DCC: variants seen among roughly 807,000 people sequenced by gnomAD.
The protein encoded by DCC is netrin receptor DCC.
DCC carries 58 observed loss-of-function variants against 172.5 expected under a neutral mutation model. The observed-to-expected ratio is 0.34, with a 90% CI of 0.27 to 0.42. The LOEUF is 0.42. Ranked by LOEUF, DCC falls within the 10% of genes least tolerant of loss-of-function variation. DCC has a pLI of 1.00. For missense variants in DCC, 1,740 were observed against 1,791.0 expected, an observed-to-expected ratio of 0.97 and a Z score of 0.51; for synonymous variants, 709 against 644.5, an observed-to-expected ratio of 1.10 and a Z score of -1.52.
chr18:52,781,668 G>A (rs953646185), intron 2 of DCC, among the ~76,000 whole-genome samples: 1 of 151,956 alleles, frequency 6.6e-6, no homozygotes, highest in African/African-American at 2.4e-5. Context: ...AAAACAGCAT[G>A]GGAAATTCAT....
chr18:53,319,876 T>C (rs1411931292), intron 13 of DCC, among the ~76,000 whole-genome samples: 1 of 150,812 alleles, frequency 6.6e-6, no homozygotes, highest in Non-Finnish European at 1.5e-5. Flanking sequence ...CTTATTCCCA[T>C]CGACAAAATA....
At position 53,245,327 on chromosome 18, in the gene DCC, T is replaced by C. The variant is rs369437287; in HGVS notation, c.1911+29730T>C. Reference sequence around the variant, plus strand: ...AAGTTTGAGAAAGAAGCAGCATAGTTAGTGGTTAAAAGCACAGACTATGAA... The same window carrying C: ...AAGTTTGAGAAAGAAGCAGCATAGTCAGTGGTTAAAAGCACAGACTATGAA... On this transcript the variant is annotated intron_variant, in intron 12 of 28. Coordinates refer to ENST00000442544, the MANE Select transcript of DCC (RefSeq NM_005215.4). Among the ~76,000 whole-genome samples the C allele has an allele frequency of 7.2e-5, 11 of 152,272 alleles. No individual in the cohort carries two copies. The East Asian group carries it at 1.9e-3, about 27-fold the overall frequency.
chr18:52,815,720 A>G (rs1265437106), intron 2 of DCC, among the ~76,000 whole-genome samples: 1 of 152,266 alleles, frequency 6.6e-6, no homozygotes, highest in Non-Finnish European at 1.5e-5. Flanking sequence ...TATTTGAGGC[A>G]TAAAAGCTAA....
intron 1 of DCC, among the ~76,000 whole-genome samples, chr18:52,449,700 T>C (rs1393960215): frequency 2.6e-5 from 4 of 152,200 alleles, no homozygotes; most frequent in Non-Finnish European, 5.9e-5. Context: ...TTACCTTTAA[T>C]TGTAGCCTCC....
chr18:52,660,775 G>A (rs962315873), intron 1 of DCC, among the ~76,000 whole-genome samples: 10 of 152,126 alleles, frequency 6.6e-5, no homozygotes, highest in Non-Finnish European at 1.0e-4. Flanking sequence ...GAATCAAATT[G>A]TTCTGGGCTT....
chr18:53,457,745 G>C (rs2045501226), intron 23 of DCC, among the ~76,000 whole-genome samples: 2 of 152,112 alleles, frequency 1.3e-5, no homozygotes, highest in African/African-American at 4.8e-5. Context: ...AGAAAATAGG[G>C]GTTGTTTCAG....
intron 14 of DCC, among the ~76,000 whole-genome samples, chr18:53,331,649 T>A (rs1504746): frequency 6.6e-6 from 1 of 152,048 alleles, no homozygotes; most frequent in Non-Finnish European, 1.5e-5. Flanking sequence ...GTATTTTCTC[T>A]GTATTGTGTT....
intron 1 of DCC, among the ~76,000 whole-genome samples, chr18:52,534,250 T>G (rs1463764741): frequency 6.6e-6 from 1 of 152,166 alleles, no homozygotes; most frequent in Non-Finnish European, 1.5e-5. Flanking sequence ...AGAGGTTACA[T>G]AACAACTCTA....
intron 1 of DCC, among the ~76,000 whole-genome samples, chr18:52,502,214 T>C (rs558897065): frequency 1.3e-5 from 2 of 152,258 alleles, no homozygotes; most frequent in South Asian, 4.1e-4. Context: ...TTTGGTAAAT[T>C]AGAATTAAAG....
intron 7 of DCC, among the ~76,000 whole-genome samples, chr18:53,149,925 C>T (rs2043973389): frequency 6.6e-6 from 1 of 152,178 alleles, no homozygotes; most frequent in Non-Finnish European, 1.5e-5. Context: ...CTATAACAGA[C>T]CCGTAGGTCC....
intron 1 of DCC, among the ~76,000 whole-genome samples, chr18:52,690,684 G>A (rs2035917435): frequency 1.3e-5 from 2 of 151,988 alleles, no homozygotes; most frequent in South Asian, 4.1e-4. Flanking sequence ...GAGACCAAGT[G>A]GCGTGTCCAA....
intron 2 of DCC, among the ~76,000 whole-genome samples, chr18:52,820,112 C>T (rs1195936210): frequency 6.6e-6 from 1 of 152,028 alleles, no homozygotes; most frequent in East Asian, 1.9e-4. Context: ...TTTCATTCAC[C>T]CCACTTGACA....
chr18:53,031,659 T>C (rs1023568115), intron 5 of DCC, among the ~76,000 whole-genome samples: 8 of 152,026 alleles, frequency 5.3e-5, no homozygotes, highest in African/African-American at 1.7e-4. Flanking sequence ...AAGACAAAAA[T>C]AAATATAATA....
chr18:53,016,699 T>C (rs1324557177), intron 5 of DCC, among the ~76,000 whole-genome samples: 2 of 152,130 alleles, frequency 1.3e-5, no homozygotes, highest in African/African-American at 4.8e-5. Flanking sequence ...ACTAGAGAAA[T>C]ATGTAAGAGG....
intron 2 of DCC, among the ~76,000 whole-genome samples, chr18:52,774,830 G>A: frequency 6.6e-6 from 1 of 152,124 alleles, no homozygotes; most frequent in East Asian, 1.9e-4. Context: ...GACACCTCTA[G>A]GAATAGTTAG....
At chr18:53,509,024 A>T (rs1387353004) in intron 27 of DCC, among the ~76,000 whole-genome samples, 1 of 152,128 alleles carries the variant, frequency 6.6e-6, no homozygotes, top group Non-Finnish European at 1.5e-5. Context: ...TCTCTCTCAT[A>T]AATACTGCAT....
At chr18:52,681,688 T>C (rs553379831) in intron 1 of DCC, among the ~76,000 whole-genome samples, 4 of 152,212 alleles carry the variant, frequency 2.6e-5, no homozygotes, top group African/African-American at 9.6e-5. Context: ...GGAGAGGGGC[T>C]TACTGCTAGT....
intron 1 of DCC, among the ~76,000 whole-genome samples, chr18:52,672,854 G>A (rs2035578413): frequency 6.6e-6 from 1 of 152,048 alleles, no homozygotes; most frequent in Admixed American, 6.6e-5. Context: ...GATCACTTTG[G>A]CAAAGAGTTT....
intron 1 of DCC, among the ~76,000 whole-genome samples, chr18:52,458,502 A>G (rs1289688822): frequency 6.6e-6 from 1 of 152,164 alleles, no homozygotes; most frequent in African/African-American, 2.4e-5. Context: ...CCTTCTGAGC[A>G]CTTTGAAAAT....
Sources: gnomAD v4.1 joint callset for allele counts (sites outside exome capture counted in the v4.1 genomes callset) on GRCh38, gnomAD v4.1.1 for gene constraint, MANE v1.5 for transcripts, NCBI Gene and HGNC (gene_info 2026-07-23, HGNC 2026-07-21) for gene names.